Variants in DRG2 observed in about 807,000 individuals in gnomAD.
DRG2 encodes developmentally-regulated GTP-binding protein 2.
Under a neutral mutation model 53.4 loss-of-function variants are expected in DRG2, and 36 were observed. The ratio of observed to expected loss-of-function variants is 0.67; its 90% CI spans 0.52 to 0.89. DRG2 has a LOEUF of 0.89. Among genes scored for constraint, DRG2 ranks in the 40% least tolerant of loss-of-function variants. DRG2 has a pLI of 0.00. For missense variants in DRG2, 342 were observed against 481.2 expected, an observed-to-expected ratio of 0.71 and a Z score of 2.71; for synonymous variants, 167 against 192.1, an observed-to-expected ratio of 0.87 and a Z score of 1.08.
At chr17:18,104,707 A>C (rs766068793) in intron 11 of DRG2, 26 bp downstream of exon 11, 1 of 1,613,656 alleles carries the variant, frequency 6.2e-7, no homozygotes, top group Non-Finnish European at 8.5e-7. Flanking sequence ...CTGCCGTGAC[A>C]AGGGGTGGGA....
At chr17:18,101,658 C>A (rs2045539285) in intron 8 of DRG2, 68 bp downstream of exon 8, 1 of 1,488,636 alleles carries the variant, frequency 6.7e-7, no homozygotes, top group Non-Finnish European at 9.3e-7. Flanking sequence ...CCTCAGCTCC[C>A]GGAACCTTGT....
chr17:18,098,484 C>A lies in DRG2; in HGVS notation c.315+125C>A. The stretch of plus-strand genomic sequence containing the variant: ...ATGTCAGGACAGGCTCTGGACTGAG[C>A]TGCTTTGCCCTCCAGCACTGACACT... On this transcript the variant is annotated intron_variant, in intron 3 of 12. Coordinates refer to ENST00000225729, the MANE Select transcript of DRG2 (RefSeq NM_001388.5). This position sits in a 1 kb window ranked among gnomAD's most constrained non-coding sequence, Gnocchi z 4.1. The A allele has an allele frequency of 1.2e-6, 1 of 827,500 alleles. No individual in the cohort carries two copies. The highest frequency in any genetic ancestry group is 2.0e-5 in the Admixed American group (1 of 49,448). 51.3% of individuals were successfully genotyped at this position (827,500 alleles called of 1,614,324 possible).
intron 2 of DRG2, chr17:18,097,200 C>T (rs1404939992): frequency 6.6e-6 from 1 of 152,198 alleles, no homozygotes; most frequent in East Asian, 1.9e-4. Flanking sequence ...CGTGTCTATC[C>T]CTATACCTGT....
chr17:18,103,690 C>A lies in DRG2; in HGVS notation c.807-111C>A. On this transcript the variant is annotated intron_variant, in intron 9 of 12. Coordinates refer to ENST00000225729, the MANE Select transcript of DRG2 (RefSeq NM_001388.5). This position sits in a 1 kb window ranked among gnomAD's most constrained non-coding sequence, Gnocchi z 4.4. ...AATGGGCTTGTTTCCCTGTGGGTACCAGCGGGCCACCTGGCCAGTGGAGGT... is the reference window on the plus strand; with the variant it reads ...AATGGGCTTGTTTCCCTGTGGGTACAAGCGGGCCACCTGGCCAGTGGAGGT... The A allele has an allele frequency of 1.0e-6, 1 of 965,350 alleles. No homozygotes were observed. Among genetic ancestry groups the A allele is most frequent in the Non-Finnish European group, 1.6e-6 (1 of 609,754 alleles). The allele number at this position is 965,350 out of a possible 1,614,324, so 59.8% of individuals were successfully genotyped here.
chr17:18,103,995 C>A lies in DRG2; in HGVS notation c.895+106C>A. The A allele has an allele frequency of 9.4e-7, 1 of 1,060,458 alleles. No homozygotes were observed. The highest frequency in any genetic ancestry group is 1.4e-6 in the Non-Finnish European group (1 of 695,820). 65.7% of individuals were successfully genotyped at this position (1,060,458 alleles called of 1,614,324 possible). On this transcript the variant is annotated intron_variant, in intron 10 of 12. Coordinates refer to ENST00000225729, the MANE Select transcript of DRG2 (RefSeq NM_001388.5). This position sits in a 1 kb window ranked among gnomAD's most constrained non-coding sequence, Gnocchi z 4.4. ...GACCCCAGCACCGGCTCTGGCCTGG[C>A]TTGTCTAGACACACCTCAGCTCTTT...
chr17:18,097,342 G>A (rs2045451128), intron 2 of DRG2: 1 of 152,220 alleles, frequency 6.6e-6, no homozygotes, highest in Admixed American at 6.5e-5. Context: ...AGGGTGCCTT[G>A]GGGAGGGTGC....
chr17:18,101,809 C>A, intron 8 of DRG2, 112 bp from the exon 9 acceptor site: 1 of 1,296,954 alleles, frequency 7.7e-7, no homozygotes, highest in South Asian at 1.4e-5. Context: ...GGAGGAAGGG[C>A]GTAGACTCAG....
In DRG2 at chr17:18,100,750, GGGTGGCAGCA is replaced by G; in HGVS notation, c.631+95_631+104del. 1.5e-6 allele frequency: 2 copies of G among 1,343,568 alleles called. No homozygotes were observed. The highest frequency in any genetic ancestry group is 2.1e-6 in the Non-Finnish European group (2 of 967,716). 83.2% of individuals were successfully genotyped at this position (1,343,568 alleles called of 1,614,324 possible). On this transcript the variant is annotated intron_variant, in intron 7 of 12. Transcript: ENST00000225729. This position sits in a 1 kb window ranked among gnomAD's most constrained non-coding sequence, Gnocchi z 4.1. ...CTAAGACAGGAGGCCTCATGGAGCA[GGGTGGCAGCA>G]GGTCACCCCCACTGCCCCTGCTGTC...
chr17:18,093,019 G>C (rs1022140286), intron 1 of DRG2, among the ~76,000 whole-genome samples: 2 of 152,210 alleles, frequency 1.3e-5, no homozygotes, highest in Non-Finnish European at 2.9e-5. Flanking sequence ...GTGTTTATAT[G>C]TAAACAGAGC....
rs1344480576 is a variant in DRG2, at chr17:18,103,629, G to T, written c.807-172G>T. Among the ~76,000 whole-genome samples, 1 of 152,086 alleles carries T rather than the reference G, an allele frequency of 6.6e-6. No individual in the cohort carries two copies. Among genetic ancestry groups the T allele is most frequent in the Non-Finnish European group, 1.5e-5 (1 of 67,998 alleles). ...GTGTGACCATGATTGGTGCCCAGAGGCACTGGCAGCAGAAACATCAGGCTG... is the reference window on the plus strand; with the variant it reads ...GTGTGACCATGATTGGTGCCCAGAGTCACTGGCAGCAGAAACATCAGGCTG... On this transcript the variant is annotated intron_variant, in intron 9 of 12. Transcript: ENST00000225729. The surrounding 1 kb of genome is among the most constrained non-coding windows in gnomAD (Gnocchi z 4.4).
In DRG2 at chr17:18,104,980, G is replaced by A. The variant is rs560637680; in HGVS notation, c.954+299G>A. 1.3e-5 allele frequency among the ~76,000 whole-genome samples: 2 copies of A among 152,324 alleles called. 1 individual carries two copies. Among genetic ancestry groups the A allele is most frequent in the Admixed American group, 1.3e-4 (2 of 15,300 alleles). ...ACTCAGCATGCTGCCTGGCTTTGCA[G>A]AGATGCCAGTAACCCTGCTTCCATG... On this transcript the variant is annotated intron_variant, in intron 11 of 12. Coordinates refer to ENST00000225729, the MANE Select transcript of DRG2 (RefSeq NM_001388.5).
intron 1 of DRG2, 133 bp downstream of exon 1, chr17:18,088,220 G>A: frequency 2.6e-6 from 3 of 1,175,322 alleles, no homozygotes; most frequent in Non-Finnish European, 3.5e-6. Context: ...CAAGTGCCGA[G>A]GCCGCCCTGC....
intron 11 of DRG2, 26 bp from the exon 12 acceptor site, chr17:18,106,407 C>G: frequency 1.2e-6 from 2 of 1,614,004 alleles, no homozygotes; most frequent in Non-Finnish European, 1.7e-6. Context: ...CCTCACCTCT[C>G]TACCTGACTC....
chr17:18,106,487 G>A lies in DRG2; in HGVS notation c.1008+1G>A. 3 of 1,613,904 alleles carry A rather than the reference G, an allele frequency of 1.9e-6. No individual in the cohort carries two copies. Among genetic ancestry groups the A allele is most frequent in the Non-Finnish European group, 2.5e-6 (3 of 1,179,898 alleles). On this transcript the variant is annotated splice_donor_variant, in intron 12 of 12. Coordinates refer to ENST00000225729, the MANE Select transcript of DRG2 (RefSeq NM_001388.5). LOFTEE classifies it high-confidence loss of function. ...CCAGTTCAAGTACGCCCTGGTGTGG[G>A]TGAGTCTCTGGGTGGAAAGCAACCA...
intron 11 of DRG2, 128 bp from the exon 12 acceptor site, chr17:18,106,305 C>A: frequency 1.0e-6 from 1 of 986,724 alleles, no homozygotes; most frequent in South Asian, 1.4e-5. Context: ...AAGGCCCAGA[C>A]TGTGTGGGCA....
chr17:18,090,429 T>C (rs1285753477), intron 1 of DRG2, among the ~76,000 whole-genome samples: 1 of 108,320 alleles, frequency 9.2e-6, no homozygotes, highest in Non-Finnish European at 1.9e-5. Flanking sequence ...TTTTTTTTTT[T>C]TTTTGAGATG....
rs1258144900 is a variant in DRG2 at position 18,093,919 on chromosome 17, C to T, written c.171C>T (p.Val57=). Residue 57 remains valine, a synonymous_variant, in exon 2 of 13, where the codon GTC becomes GTT. Transcript: ENST00000225729. ...CGTCCAAAGGAGAGGGCTTTGATGT[C>T]ATGAAGTCGGGTGATGCCCGTGTGG... ...SASSKGEGFD[V]MKSGDARVAL... 1.9e-6 allele frequency: 3 copies of T among 1,614,216 alleles called. No individual in the cohort carries two copies. Among genetic ancestry groups the T allele is most frequent in the Middle Eastern group, 1.6e-4 (1 of 6,062 alleles).
chr17:18,091,852 C>T (rs12950562), intron 1 of DRG2: 63,118 of 151,952 alleles, frequency 0.42, 15,878 homozygotes, highest in Non-Finnish European at 0.59. Context: ...AGTGAGACTC[C>T]ATCTCAAAAA....
Position 18,104,727 on chromosome 17 carries a change from G to T in DRG2, c.954+46G>T, listed in dbSNP as rs757816491. The T allele has an allele frequency of 5.0e-6, 8 of 1,613,164 alleles. No individual in the cohort carries two copies. The East Asian group carries it at 1.1e-4, about 22-fold the overall frequency. ...GTGACAAGGGGTGGGAGCTCTGCAT[G>T]CCCTTTGGGGCTCTGTTCTGCCTGA... On this transcript the variant is annotated intron_variant, in intron 11 of 12. Transcript: ENST00000225729.
Sources: gnomAD v4.1 joint callset for allele counts (sites outside exome capture counted in the v4.1 genomes callset) on GRCh38, gnomAD v4.1.1 for gene constraint, Gnocchi (gnomAD v3.1) non-coding constraint, MANE v1.5 for transcripts, NCBI Gene and HGNC (gene_info 2026-07-23, HGNC 2026-07-21) for gene names.